The following EDN1 variants were observed in gnomAD, a reference collection of about 807,000 sequenced individuals.
EDN1 encodes endothelin-1.
EDN1 carries 11 observed loss-of-function variants against 21.7 expected under a neutral mutation model. The observed-to-expected ratio is 0.51, with a 90% CI of 0.32 to 0.84. The LOEUF (loss-of-function observed/expected upper bound fraction) is 0.84, where lower values mean the gene tolerates loss of function less well. Ranked by LOEUF, EDN1 falls within the 40% of genes least tolerant of loss-of-function variation. EDN1 has a pLI of 0.03. For missense variants in EDN1, 244 were observed against 262.3 expected (o/e 0.93, Z 0.48); for synonymous variants, 85 against 90.6 (o/e 0.94, Z 0.35).
upstream of EDN1, among the ~76,000 whole-genome samples, chr6:12,287,266 C>A (rs1438948963): frequency 6.6e-6 from 1 of 152,078 alleles, no homozygotes; most frequent in Non-Finnish European, 1.5e-5. Context: ...AGCATTTTCC[C>A]CCTGCAGTCC....
chr6:12,267,848 G>A, the EDN1 span, among the ~76,000 whole-genome samples: 43,795 of 152,012 alleles, frequency 0.29, 6,598 homozygotes, highest in East Asian at 0.56. Flanking sequence ...TGACACTCTT[G>A]TCAGAGACAA....
chr6:12,251,886 A>G, the EDN1 span, among the ~76,000 whole-genome samples: 1 of 152,094 alleles, frequency 6.6e-6, no homozygotes, highest in Middle Eastern at 3.2e-3. Flanking sequence ...ACCCTCTTAA[A>G]CCTTTTCTAG....
chr6:12,291,296 C>T (rs989188153), intron 1 of EDN1, among the ~76,000 whole-genome samples: 1 of 135,394 alleles, frequency 7.4e-6, no homozygotes, highest in African/African-American at 2.7e-5. Flanking sequence ...TCATCATTGA[C>T]TTTAGGTTTC....
the EDN1 span, among the ~76,000 whole-genome samples, chr6:12,253,824 C>G: frequency 6.6e-6 from 1 of 152,164 alleles, no homozygotes; most frequent in Non-Finnish European, 1.5e-5. Flanking sequence ...GGCCAAAAAC[C>G]TGGGCATCAT....
the EDN1 span, among the ~76,000 whole-genome samples, chr6:12,266,030 C>A: frequency 1.3e-5 from 2 of 152,112 alleles, no homozygotes; most frequent in Non-Finnish European, 2.9e-5. Flanking sequence ...GACACAGAAA[C>A]CAGGGCCACC....
chr6:12,256,389 G>T, the EDN1 span, among the ~76,000 whole-genome samples: 7 of 151,472 alleles, frequency 4.6e-5, no homozygotes, highest in Admixed American at 1.3e-4. Context: ...AAGACCCCCC[G>T]CCCCCTAAAA....
the EDN1 span, among the ~76,000 whole-genome samples, chr6:12,276,541 C>T: frequency 1.1e-4 from 16 of 152,178 alleles, no homozygotes; most frequent in East Asian, 1.9e-4. Flanking sequence ...TTATGCAAGA[C>T]GTTTGTACCG....
the EDN1 span, among the ~76,000 whole-genome samples, chr6:12,259,277 A>T: frequency 6.6e-6 from 1 of 151,918 alleles, no homozygotes; most frequent in African/African-American, 2.4e-5. Flanking sequence ...ATGCTAGGAA[A>T]CCTATAAGCA....
the EDN1 span, among the ~76,000 whole-genome samples, chr6:12,284,763 G>GA: frequency 3.1e-4 from 47 of 150,946 alleles, no homozygotes; most frequent in Non-Finnish European, 6.2e-4. Flanking sequence ...AAGAAAGAAA[G>GA]AAAGAAAGAA....
upstream of EDN1, among the ~76,000 whole-genome samples, chr6:12,288,147 T>A (rs950820871): frequency 1.3e-5 from 2 of 151,566 alleles, no homozygotes; most frequent in African/African-American, 4.9e-5. Context: ...CTGAGAATAT[T>A]GGGGAGGGCA....
At chr6:12,242,077 A>G in the EDN1 span, among the ~76,000 whole-genome samples, 2 of 152,184 alleles carry the variant, frequency 1.3e-5, no homozygotes, top group Non-Finnish European at 2.9e-5. Flanking sequence ...AATTTCCTCA[A>G]CAGCATATTC....
the EDN1 span, among the ~76,000 whole-genome samples, chr6:12,252,094 A>G: frequency 6.6e-6 from 1 of 152,314 alleles, no homozygotes; most frequent in Admixed American, 6.5e-5. Flanking sequence ...GGATGTAATT[A>G]ACAGCATCCT....
intron 4 of EDN1, among the ~76,000 whole-genome samples, chr6:12,295,277 A>G (rs1321210646): frequency 1.3e-5 from 2 of 152,088 alleles, no homozygotes; most frequent in African/African-American, 4.8e-5. Context: ...GTTATTTACT[A>G]CTGATTTGTG....
the EDN1 span, among the ~76,000 whole-genome samples, chr6:12,271,396 A>G: frequency 5.3e-5 from 8 of 152,238 alleles, no homozygotes; most frequent in African/African-American, 1.9e-4. Flanking sequence ...AAAATATTGT[A>G]TAGTTATAAT....
chr6:12,260,652 GT>G, the EDN1 span, among the ~76,000 whole-genome samples: 22 of 152,202 alleles, frequency 1.4e-4, no homozygotes, highest in South Asian at 1.2e-3. Context: ...ACTCACTAAT[GT>G]TTTACGATTA....
chr6:12,241,410 A>T, the EDN1 span, among the ~76,000 whole-genome samples: 1 of 151,662 alleles, frequency 6.6e-6, no homozygotes, highest in South Asian at 2.1e-4. Flanking sequence ...ACCTCAGGTG[A>T]TCTGCCCGCC....
chr6:12,247,393 A>G, the EDN1 span, among the ~76,000 whole-genome samples: 2 of 152,084 alleles, frequency 1.3e-5, no homozygotes, highest in Admixed American at 1.3e-4. Context: ...GGCATTGAGA[A>G]TCCTGCTGGT....
chr6:12,278,892 G>A, the EDN1 span, among the ~76,000 whole-genome samples: 3,408 of 152,010 alleles, frequency 0.022, 69 homozygotes, highest in Non-Finnish European at 0.034. Context: ...GCGAGATTCC[G>A]TAAAAAAAAC....
At chr6:12,233,481 G>C in the EDN1 span, among the ~76,000 whole-genome samples, 1 of 152,132 alleles carries the variant, frequency 6.6e-6, no homozygotes, top group Non-Finnish European at 1.5e-5. Context: ...ACTGCACCAG[G>C]ACCAAAGCTC....
Sources: allele counts gnomAD v4.1 joint callset (sites outside exome capture counted in the v4.1 genomes callset), GRCh38; gene constraint gnomAD v4.1.1; transcripts MANE v1.5; gene names NCBI Gene and HGNC (gene_info 2026-07-23, HGNC 2026-07-21).